PCDHGA8: variants seen among roughly 807,000 people sequenced by gnomAD.
The protein encoded by PCDHGA8 is protocadherin gamma-A8.
In PCDHGA8, 45 loss-of-function variants were observed where a neutral mutation model predicts 59.2. That is an observed-to-expected ratio of 0.76 (90% CI 0.60 to 0.98). The LOEUF (loss-of-function observed/expected upper bound fraction) is 0.98, where lower values mean the gene tolerates loss of function less well. PCDHGA8 is among the 50% of genes least tolerant of loss of function. The probability of loss-of-function intolerance (pLI) is 0.00; values close to 1 mark genes in which losing one functional copy is unlikely to be tolerated. For missense variants in PCDHGA8, 1,257 were observed against 1,196.2 expected, an observed-to-expected ratio of 1.05 and a Z score of -0.75; for synonymous variants, 531 against 519.0, an observed-to-expected ratio of 1.02 and a Z score of -0.32.
chr5:141,403,613 C>T lies in PCDHGA8; in HGVS notation c.2424+8376C>T, dbSNP rs769394271. On this transcript the variant is annotated intron_variant, in intron 1 of 3. Transcript: ENST00000398604. ...CACGGCCTCGGATGGCGGCGAGCCG[C>T]GTCGCTCCAGCACAGTGCGCATCCA... The T allele has an allele frequency of 3.5e-5, 56 of 1,613,778 alleles. No homozygotes were observed. Among genetic ancestry groups the T allele is most frequent in the Non-Finnish European group, 4.7e-5 (55 of 1,179,908 alleles).
intron 1 of PCDHGA8, among the ~76,000 whole-genome samples, chr5:141,482,828 T>G (rs1274498876): frequency 4.4e-5 from 6 of 135,272 alleles, no homozygotes; most frequent in Non-Finnish European, 9.5e-5. Flanking sequence ...TCCTAGCACT[T>G]TGGGAGGCCA....
In PCDHGA8 at chr5:141,392,766, C is replaced by A; in HGVS notation, c.-48C>A. 1 of 1,489,084 alleles carries A rather than the reference C, an allele frequency of 6.7e-7. No individual in the cohort carries two copies. The highest frequency in any genetic ancestry group is 1.4e-5 in the South Asian group (1 of 72,306). 92.2% of individuals were successfully genotyped at this position (1,489,084 alleles called of 1,614,324 possible). A position where few individuals can be genotyped will look rare whatever the true frequency, so the allele number is the denominator to read the frequency against. On this transcript the variant is annotated 5_prime_UTR_variant, in exon 1 of 4. Coordinates refer to ENST00000398604, the MANE Select transcript of PCDHGA8 (RefSeq NM_032088.2). ...CTGCGGCAAGAAACTAAATAAGACC[C>A]ATTTATGCACAGTGAAGATTCTGAG... is the stretch of plus-strand genomic sequence containing the variant.
At chr5:141,415,597 A>G (rs1206125540) in intron 1 of PCDHGA8, 2 of 1,613,800 alleles carry the variant, frequency 1.2e-6, no homozygotes, top group South Asian at 1.1e-5. Flanking sequence ...TATAGAGGAT[A>G]CCCCATTGGT....
At chr5:141,418,479 C>G (rs375821205) in intron 1 of PCDHGA8, 3 of 1,614,010 alleles carry the variant, frequency 1.9e-6, no homozygotes, top group Non-Finnish European at 1.7e-6. Context: ...ACGCAGAGCG[C>G]TCACCACTTG....
At chr5:141,453,964 C>T (rs2098778500) in intron 1 of PCDHGA8, among the ~76,000 whole-genome samples, 1 of 152,296 alleles carries the variant, frequency 6.6e-6, no homozygotes, top group Non-Finnish European at 1.5e-5. Context: ...GACAGCAAAG[C>T]ATGTAGTTGT....
intron 1 of PCDHGA8, among the ~76,000 whole-genome samples, chr5:141,444,402 C>A (rs916833331): frequency 6.6e-6 from 1 of 151,932 alleles, no homozygotes; most frequent in Admixed American, 6.6e-5. Flanking sequence ...AACTCCCAAC[C>A]TCAGGTGATC....
chr5:141,422,968 C>T lies in PCDHGA8; in HGVS notation c.2424+27731C>T. 6.2e-7 allele frequency: 1 copy of T among 1,614,240 alleles called. No homozygotes were observed. Among genetic ancestry groups the T allele is most frequent in the South Asian group, 1.1e-5 (1 of 91,086 alleles). On this transcript the variant is annotated intron_variant, in intron 1 of 3. Coordinates refer to ENST00000398604, the MANE Select transcript of PCDHGA8 (RefSeq NM_032088.2). ...CTCCACTGGCGTGGAGCTGGCGCCC[C>T]GCTCTGCGGAACCTGGCTACCTGGT...
At chr5:141,419,747 C>T (rs1322393151) in intron 1 of PCDHGA8, 3 of 1,613,840 alleles carry the variant, frequency 1.9e-6, no homozygotes, top group Admixed American at 1.7e-5. Context: ...GCGCATGGTG[C>T]GTGCTTTGGG....
intron 1 of PCDHGA8, chr5:141,419,843 C>T: frequency 6.2e-7 from 1 of 1,614,070 alleles, no homozygotes; most frequent in Non-Finnish European, 8.5e-7. Flanking sequence ...CACGCTGCAC[C>T]TGGTGTTCGC....
At chr5:141,473,270 T>C (rs538574742) in intron 1 of PCDHGA8, among the ~76,000 whole-genome samples, 4 of 152,326 alleles carry the variant, frequency 2.6e-5, no homozygotes, top group African/African-American at 9.6e-5. Context: ...GTGTATGCTA[T>C]GATTATTTTA....
Position 141,415,580 on chromosome 5 carries a change from A to C in PCDHGA8, c.2424+20343A>C, listed in dbSNP as rs773634634. The C allele has an allele frequency of 4.3e-6, 7 of 1,613,976 alleles. No individual in the cohort carries two copies. The Admixed American group carries it at 1.2e-4, about 27-fold the overall frequency. Reference sequence around the variant, plus strand: ...CCTTTGTCTTTGTTAGATGATTCGAAGTTTCCTATAGAGGATACCCCATTG... The same window carrying C: ...CCTTTGTCTTTGTTAGATGATTCGACGTTTCCTATAGAGGATACCCCATTG... On this transcript the variant is annotated intron_variant, in intron 1 of 3. Transcript: ENST00000398604.
chr5:141,491,871 C>T lies in PCDHGA8; in HGVS notation c.2425-2936C>T, dbSNP rs1222191027. 2.1e-6 allele frequency: 3 copies of T among 1,451,434 alleles called. No individual in the cohort carries two copies. Among genetic ancestry groups the T allele is most frequent in the Non-Finnish European group, 2.7e-6 (3 of 1,098,418 alleles). 89.9% of individuals were successfully genotyped at this position (1,451,434 alleles called of 1,614,324 possible). ...ACCGTTTGCGCGAAACCAGAGTGGC[C>T]GATTAAGGGATGGGGCTCCGAGCAC... On this transcript the variant is annotated intron_variant, in intron 1 of 3. Transcript: ENST00000398604. The surrounding 1 kb of genome is among the most constrained non-coding windows in gnomAD (Gnocchi z 6.9).
chr5:141,423,497 AG>A (rs1269176785), intron 1 of PCDHGA8: 1 of 1,613,940 alleles, frequency 6.2e-7, no homozygotes, highest in Non-Finnish European at 8.5e-7. Flanking sequence ...TATTCCCACG[AG>A]GTCTCTCTCA....
chr5:141,453,302 T>C (rs189741118), intron 1 of PCDHGA8, among the ~76,000 whole-genome samples: 18 of 152,008 alleles, frequency 1.2e-4, no homozygotes, highest in Middle Eastern at 6.8e-3. Flanking sequence ...TTTATTTATT[T>C]ATTTATTTAT....
Position 141,431,529 on chromosome 5 carries a change from T to C in PCDHGA8, c.2424+36292T>C, listed in dbSNP as rs145601545. 166 of 1,614,074 alleles carry C rather than the reference T, an allele frequency of 1.0e-4. No individual in the cohort carries two copies. In the African/African-American group the frequency reaches 2.0e-3, roughly 19 times the overall value. On this transcript the variant is annotated intron_variant, in intron 1 of 3. Coordinates refer to ENST00000398604, the MANE Select transcript of PCDHGA8 (RefSeq NM_032088.2). The surrounding 1 kb of genome is among the most constrained non-coding windows in gnomAD (Gnocchi z 4.8). The stretch of plus-strand genomic sequence containing the variant: ...GCGAGCGTTCCGGAGAATCTGGCCT[T>C]GGGCACGCAGCTGCTTGTAGTCAAC...
intron 1 of PCDHGA8, chr5:141,428,598 C>T (rs2097150047): frequency 4.5e-6 from 1 of 224,296 alleles, no homozygotes; most frequent in African/African-American, 2.3e-5. Context: ...TAGCAAGCTT[C>T]ACTGAAGAGA....
chr5:141,434,870 C>G (rs1263324193), intron 1 of PCDHGA8, among the ~76,000 whole-genome samples: 3 of 151,726 alleles, frequency 2.0e-5, no homozygotes, highest in Non-Finnish European at 1.5e-5. Flanking sequence ...ATATATGTGA[C>G]AGATACCAAC....
chr5:141,399,628 G>A (rs775633916), intron 1 of PCDHGA8: 23 of 1,613,772 alleles, frequency 1.4e-5, no homozygotes, highest in South Asian at 2.2e-5. Context: ...GGCCTCTTAC[G>A]TGTCCATGAG....
At chr5:141,504,306 G>A (rs2099837315) in intron 2 of PCDHGA8, among the ~76,000 whole-genome samples, 1 of 152,076 alleles carries the variant, frequency 6.6e-6, no homozygotes, top group South Asian at 2.1e-4. Context: ...AACACTCGGA[G>A]TTTCTAAAAG....
Sources: allele counts gnomAD v4.1 joint callset (sites outside exome capture counted in the v4.1 genomes callset), GRCh38; gene constraint gnomAD v4.1.1; non-coding constraint Gnocchi (gnomAD v3.1); transcripts MANE v1.5; gene names NCBI Gene and HGNC (gene_info 2026-07-23, HGNC 2026-07-21).